GPRC5D: variants seen among roughly 807,000 people sequenced by gnomAD.
The protein encoded by GPRC5D is G protein-coupled receptor class C group 5 member D.
GPRC5D carries 20 observed loss-of-function variants against 29.3 expected under a neutral mutation model. The observed-to-expected ratio is 0.68, with a 90% CI of 0.48 to 0.99. GPRC5D has a LOEUF of 0.99. Among genes scored for constraint, GPRC5D ranks in the 50% least tolerant of loss-of-function variants. The pLI is 0.00. For synonymous variants in GPRC5D, 178 were observed against 171.3 expected (o/e 1.04, Z -0.30); for missense variants, 384 against 423.6 (o/e 0.91, Z 0.82).
Position 12,947,762 on chromosome 12 carries a change from G to A in GPRC5D, c.895+1728C>T, listed in dbSNP as rs7313234. ...TGTAGAGACGGGGTTTCGCCATGTC[G>A]CCCAGGCTGGTCTTAAACTCCTGAG... On this transcript the variant is annotated intron_variant, in intron 1 of 2. Coordinates refer to ENST00000228887, the Ensembl canonical transcript of GPRC5D. 5.5e-3 allele frequency among the ~76,000 whole-genome samples: 840 copies of A among 152,110 alleles called. 4 individuals carry two copies. Among genetic ancestry groups the A allele is most frequent in the African/African-American group, 0.019 (792 of 41,492 alleles).
At chr12:12,949,922 C>T (rs760449341) in exon 1 of GPRC5D, 7 of 1,614,010 alleles carry the variant, frequency 4.3e-6, no homozygotes, top group Non-Finnish European at 5.9e-6. Context: ...AACATCATAC[C>T]TCTGGTCATG....
At chr12:12,944,903 T>TTCTTTCTTTCTTTCTTTCTTTCTTTCTC (rs1565477611) in intron 1 of GPRC5D, among the ~76,000 whole-genome samples, 4 of 79,230 alleles carry the variant, frequency 5.0e-5, no homozygotes, top group Non-Finnish European at 9.3e-5. Flanking sequence ...CTTTCTTTCT[T>TTCTTTCTTTCTTTCTTTCTTTCTTTCTC]TCTCTCCCTT....
intron 1 of GPRC5D, among the ~76,000 whole-genome samples, chr12:12,947,970 C>A (rs1237435774): frequency 6.6e-6 from 1 of 152,096 alleles, no homozygotes; most frequent in Non-Finnish European, 1.5e-5. Context: ...GTTTTCTAAC[C>A]TTGCTTGAGT....
chr12:12,949,547 A>G (rs1863432501), exon 1 of GPRC5D: 2 of 1,614,050 alleles, frequency 1.2e-6, no homozygotes, highest in Non-Finnish European at 1.7e-6. Context: ...GTGACGGGGC[A>G]GGCATTGCCT....
intron 2 of GPRC5D, among the ~76,000 whole-genome samples, chr12:12,941,146 A>G (rs946034412): frequency 6.6e-6 from 1 of 152,122 alleles, no homozygotes; most frequent in Non-Finnish European, 1.5e-5. Flanking sequence ...CCTGACCTCA[A>G]GTGATCCGCC....
intron 1 of GPRC5D, among the ~76,000 whole-genome samples, chr12:12,942,653 T>C (rs1383572219): frequency 1.3e-5 from 2 of 152,196 alleles, no homozygotes; most frequent in Non-Finnish European, 2.9e-5. Flanking sequence ...GAGAATTTCT[T>C]GAACCTGGGA....
In GPRC5D at chr12:12,942,263, G is replaced by C. The variant is rs370808293; in HGVS notation, c.961C>G (p.Gln321Glu). The change falls in exon 2 of 3, where the codon CAG becomes GAG. Residue 321 changes from glutamine (Q) to glutamate (E), a missense_variant and splice_region_variant. Coordinates refer to ENST00000228887, the Ensembl canonical transcript of GPRC5D. ...TGAATATAGGCGAGTACATTTACCT[G>C]CGGCTGAATGGGAGTACCATATGAA... 1.2e-5 allele frequency: 19 copies of C among 1,599,424 alleles called. No homozygotes were observed. The highest frequency in any genetic ancestry group is 1.5e-5 in the Non-Finnish European group (18 of 1,166,696).
At chr12:12,948,409 G>A (rs1318893140) in intron 1 of GPRC5D, 4 of 154,262 alleles carry the variant, frequency 2.6e-5, no homozygotes, top group African/African-American at 9.6e-5. Flanking sequence ...TATCTGAACA[G>A]GATTTAATTT....
downstream of GPRC5D, chr12:12,940,693 C>T: frequency 1.3e-6 from 1 of 793,230 alleles, no homozygotes; most frequent in Non-Finnish European, 2.2e-6. Context: ...GGCAGCGTGA[C>T]TCTGTGGGCC....
At chr12:12,945,699 A>G (rs568145128) in intron 1 of GPRC5D, among the ~76,000 whole-genome samples, 35 of 152,172 alleles carry the variant, frequency 2.3e-4, no homozygotes, top group Non-Finnish European at 4.6e-4. Context: ...TTACATCTCT[A>G]TTTTATTTTG....
chr12:12,940,966 C>A, intron 2 of GPRC5D, 117 bp from the exon 4 acceptor site: 1 of 665,698 alleles, frequency 1.5e-6, no homozygotes, highest in Non-Finnish European at 2.8e-6. Flanking sequence ...GGCTGGAGTG[C>A]AGTGGTGTGA....
At chr12:12,946,380 TTC>T (rs1458465187) in intron 1 of GPRC5D, among the ~76,000 whole-genome samples, 203 of 143,688 alleles carry the variant, frequency 1.4e-3, no homozygotes, top group African/African-American at 5.0e-3. Context: ...CTTTCTTTCT[TTC>T]TCTCTTTCTC....
intron 1 of GPRC5D, among the ~76,000 whole-genome samples, chr12:12,946,433 TC>T (rs1429281424): frequency 2.1e-4 from 10 of 47,360 alleles, no homozygotes; most frequent in East Asian, 2.0e-3. Context: ...TCTCTTTCTC[TC>T]TTTCTCTCTC....
intron 1 of GPRC5D, among the ~76,000 whole-genome samples, chr12:12,946,422 C>T (rs4763907): frequency 4.2e-5 from 6 of 141,190 alleles, no homozygotes; most frequent in African/African-American, 1.4e-4. Flanking sequence ...CTTTCTCTCT[C>T]TCTCTTTCTC....
chr12:12,941,563 A>G (rs1192832859), intron 2 of GPRC5D, among the ~76,000 whole-genome samples: 2 of 152,226 alleles, frequency 1.3e-5, no homozygotes, highest in African/African-American at 4.8e-5. Flanking sequence ...CATTGAATAA[A>G]TGATCTGAGG....
At chr12:12,941,723 C>T (rs1863151296) in intron 2 of GPRC5D, among the ~76,000 whole-genome samples, 3 of 152,186 alleles carry the variant, frequency 2.0e-5, no homozygotes. Context: ...AGCAGTGCTC[C>T]CTCTGTTTTT....
rs764779499 is a variant in GPRC5D at position 12,949,619 on chromosome 12, G to A, written c.766C>T (p.Leu256=). 9.3e-6 allele frequency: 15 copies of A among 1,614,068 alleles called. 1 individual carries two copies. In the South Asian group the frequency reaches 1.6e-4, roughly 18 times the overall value. The stretch of plus-strand genomic sequence containing the variant: ...ATGCAGAGCTCAGGGACGATGTACA[G>A]CAGCAGGAAAACCCATGCGTTGGTG... The change falls in exon 1 of 3, where the codon CTG becomes TTG. Residue 256 remains leucine (L), a synonymous_variant. Transcript: ENST00000228887.
chr12:12,949,502 C>G (rs1351319178), exon 1 of GPRC5D: 2 of 1,613,214 alleles, frequency 1.2e-6, no homozygotes, highest in Non-Finnish European at 8.5e-7. Flanking sequence ...CTGGAGAGCT[C>G]CTGGTTCTCC....
At chr12:12,949,349 C>G in intron 1 of GPRC5D, 141 bp downstream of exon 2, 1 of 683,402 alleles carries the variant, frequency 1.5e-6, no homozygotes, top group Admixed American at 2.6e-5. Context: ...GTCTGCATTT[C>G]TATGCTTGAA....
Sources: allele counts gnomAD v4.1 joint callset (sites outside exome capture counted in the v4.1 genomes callset), GRCh38; gene constraint gnomAD v4.1.1; transcripts MANE v1.5; gene names NCBI Gene and HGNC (gene_info 2026-07-23, HGNC 2026-07-21).